Variants in TMEM177 observed in about 807,000 individuals in gnomAD.
TMEM177 encodes the protein transmembrane protein 177.
A neutral mutation model predicts 14.2 loss-of-function variants in TMEM177; 4 were observed. The ratio of observed to expected loss-of-function variants is 0.28; its 90% CI spans 0.14 to 0.64. The LOEUF is 0.64. TMEM177 is among the 30% of genes least tolerant of loss of function. The pLI is 0.82. For missense variants in TMEM177, 344 were observed against 405.2 expected (o/e 0.85, Z 1.30); for synonymous variants, 179 against 174.5 (o/e 1.03, Z -0.20).
the TMEM177 span, among the ~76,000 whole-genome samples, chr2:119,707,048 A>ACC: frequency 1.3e-5 from 2 of 151,848 alleles, no homozygotes; most frequent in African/African-American, 4.8e-5. Flanking sequence ...AGTAGCTGGG[A>ACC]CCACAGGCGC....
At chr2:119,722,678 A>G in the TMEM177 span, among the ~76,000 whole-genome samples, 1 of 152,244 alleles carries the variant, frequency 6.6e-6, no homozygotes, top group Non-Finnish European at 1.5e-5. Context: ...GTAACTGCAT[A>G]ACTAAATGCA....
chr2:119,715,924 G>A, the TMEM177 span, among the ~76,000 whole-genome samples: 2 of 152,168 alleles, frequency 1.3e-5, no homozygotes, highest in African/African-American at 4.8e-5. Context: ...GGGGAGGGTG[G>A]CCCAACCCAC....
downstream of TMEM177, among the ~76,000 whole-genome samples, chr2:119,682,434 T>C (rs1688930581): frequency 6.6e-6 from 1 of 152,044 alleles, no homozygotes; most frequent in African/African-American, 2.4e-5. Flanking sequence ...TCCACTCTGT[T>C]AGAGGTTAAA....
chr2:119,716,218 A>G, the TMEM177 span, among the ~76,000 whole-genome samples: 1 of 152,152 alleles, frequency 6.6e-6, no homozygotes, highest in South Asian at 2.1e-4. Context: ...AGGAGCCCGC[A>G]CTGGAGACTA....
At chr2:119,713,057 T>A in the TMEM177 span, among the ~76,000 whole-genome samples, 1 of 149,418 alleles carries the variant, frequency 6.7e-6, no homozygotes, top group Non-Finnish European at 1.5e-5. Flanking sequence ...GACACCAAAC[T>A]TATGATAATG....
chr2:119,690,309 G>A (rs937529260), downstream of TMEM177, among the ~76,000 whole-genome samples: 3 of 151,682 alleles, frequency 2.0e-5, no homozygotes, highest in Non-Finnish European at 4.4e-5. Flanking sequence ...TTCACCTTCC[G>A]CCATGTTTGT....
the TMEM177 span, among the ~76,000 whole-genome samples, chr2:119,711,145 G>C: frequency 6.6e-6 from 1 of 152,196 alleles, no homozygotes; most frequent in Non-Finnish European, 1.5e-5. Flanking sequence ...TCTGAGGGAA[G>C]CGCAGGCAGT....
chr2:119,705,619 C>CAGATCCGTGTGTGT, the TMEM177 span, among the ~76,000 whole-genome samples: 1 of 139,160 alleles, frequency 7.2e-6, no homozygotes, highest in Non-Finnish European at 1.5e-5. Context: ...CACTCAGATC[C>CAGATCCGTGTGTGT]GTGTGTGTGT....
the TMEM177 span, among the ~76,000 whole-genome samples, chr2:119,703,595 T>C: frequency 6.6e-6 from 1 of 152,188 alleles, no homozygotes; most frequent in Non-Finnish European, 1.5e-5. Context: ...ATAATGTGGA[T>C]GTTTTTCTCC....
the TMEM177 span, among the ~76,000 whole-genome samples, chr2:119,696,057 T>C: frequency 0.026 from 3,979 of 152,176 alleles, 53 homozygotes; most frequent in Non-Finnish European, 0.032. Context: ...TGAGCCACAC[T>C]AGGGAGAGGC....
the TMEM177 span, among the ~76,000 whole-genome samples, chr2:119,694,029 T>TATGACACATACCACACAC: frequency 6.1e-4 from 1 of 1,642 alleles, no homozygotes. Context: ...ATACCACACA[T>TATGACACATACCACACAC]ATGACACATA....
chr2:119,682,634 T>C (rs1403767902), downstream of TMEM177, among the ~76,000 whole-genome samples: 1 of 151,730 alleles, frequency 6.6e-6, no homozygotes, highest in Non-Finnish European at 1.5e-5. Context: ...AACTCCGAGA[T>C]CTGTGGCATG....
At chr2:119,690,168 A>G (rs1181333775), downstream of TMEM177, among the ~76,000 whole-genome samples, 20 of 152,072 alleles carry the variant, frequency 1.3e-4, no homozygotes. Flanking sequence ...GGTGGCTTCT[A>G]ATGGTTTAGC....
chr2:119,708,989 T>C, the TMEM177 span, among the ~76,000 whole-genome samples: 2 of 152,274 alleles, frequency 1.3e-5, no homozygotes, highest in Non-Finnish European at 2.9e-5. Flanking sequence ...ACTTGATTTT[T>C]CTTTTTTATT....
At chr2:119,680,793 C>T in intron 1 of TMEM177, 39 bp from the exon 2 acceptor site, 1 of 1,527,998 alleles carries the variant, frequency 6.5e-7, no homozygotes, top group Non-Finnish European at 8.9e-7. Context: ...TGCAGGCTGA[C>T]CCAGGGAAAC....
the TMEM177 span, among the ~76,000 whole-genome samples, chr2:119,717,526 CT>C: frequency 7.0e-3 from 1,058 of 150,676 alleles, 8 homozygotes; most frequent in African/African-American, 0.024. Context: ...GTGGATACAC[CT>C]TTTGTCTGAT....
At chr2:119,715,152 G>A in the TMEM177 span, among the ~76,000 whole-genome samples, 1 of 152,336 alleles carries the variant, frequency 6.6e-6, no homozygotes, top group South Asian at 2.1e-4. Flanking sequence ...GGAGGCCAAG[G>A]CAGGAGGATC....
At chr2:119,705,984 C>CTA in the TMEM177 span, among the ~76,000 whole-genome samples, 180 of 131,612 alleles carry the variant, frequency 1.4e-3, 2 homozygotes, top group African/African-American at 4.8e-3. Flanking sequence ...CTCTCTCTCT[C>CTA]TATATATATA....
At chr2:119,685,569 C>T, downstream of TMEM177, 3 of 700,826 alleles carry the variant, frequency 4.3e-6, no homozygotes, top group South Asian at 1.5e-5. Context: ...TATTATCCTC[C>T]AGACACTGTG....
Sources: gnomAD v4.1 joint callset for allele counts (sites outside exome capture counted in the v4.1 genomes callset) on GRCh38, gnomAD v4.1.1 for gene constraint, MANE v1.5 for transcripts, NCBI Gene and HGNC (gene_info 2026-07-23, HGNC 2026-07-21) for gene names.